Variants in SLC1A5 observed in about 807,000 individuals in gnomAD.
The protein encoded by SLC1A5 is neutral amino acid transporter B(0).
Under a neutral mutation model 34.9 loss-of-function variants are expected in SLC1A5, and 25 were observed. The ratio of observed to expected loss-of-function variants is 0.72; its 90% CI spans 0.52 to 1.00. SLC1A5 has a LOEUF of 1.00. SLC1A5 is among the 50% of genes least tolerant of loss of function. SLC1A5 has a pLI of 0.00. For missense variants in SLC1A5, 637 were observed against 740.0 expected, an observed-to-expected ratio of 0.86 and a Z score of 1.61; for synonymous variants, 351 against 341.2, an observed-to-expected ratio of 1.03 and a Z score of -0.32.
At position 46,777,105 on chromosome 19, in the gene SLC1A5, T is replaced by C. The variant is rs756437457; in HGVS notation, c.1258A>G (p.Thr420Ala). 8.7e-6 allele frequency: 14 copies of C among 1,613,534 alleles called. No individual in the cohort carries two copies. In the African/African-American group the frequency reaches 1.5e-4, roughly 17 times the overall value. ...DFVKIITILV[T>A]ATASSVGAAG... Reference sequence around the variant, plus strand: ...GCCCCCACGCTGGACGCTGTGGCCGTGACCCTGAGGGAGAAGGTGGGAGGT... The same window carrying C: ...GCCCCCACGCTGGACGCTGTGGCCGCGACCCTGAGGGAGAAGGTGGGAGGT... The change falls in exon 7 of 8, where the codon ACG (threonine) becomes GCG (alanine). Residue 420 changes from threonine (T) to alanine (A), a missense_variant. By Grantham distance (58) the Thr-to-Ala change is moderately conservative. Coordinates refer to ENST00000542575, the MANE Select transcript of SLC1A5 (RefSeq NM_005628.3).
Position 46,787,593 on chromosome 19 carries a change from C to A in SLC1A5, c.373G>T (p.Gly125Cys). ...AGCAGCGCCCAGGCGCCCAGACGGC[C>A]GAGCGCGCCGGGGTCCAGGCTGGCG... ...GAASLDPGALGRLGAWALLFF... is the reference protein window; with the variant it reads ...GAASLDPGALCRLGAWALLFF... Residue 125 changes from glycine (G) to cysteine (C), a missense_variant, in exon 1 of 8, where the codon GGC becomes TGC. Physicochemically the swap from Gly to Cys is radical, Grantham distance 159. Transcript: ENST00000542575. The surrounding 1 kb of genome is among the most constrained non-coding windows in gnomAD (Gnocchi z 5.2). 1 of 1,561,644 alleles carries A rather than the reference C, an allele frequency of 6.4e-7. No individual in the cohort carries two copies. The highest frequency in any genetic ancestry group is 1.4e-5 in the African/African-American group (1 of 73,820).
rs1171802536 is a variant in SLC1A5 at position 46,776,994 on chromosome 19, G to A, written c.1369C>T (p.Leu457=). The A allele has an allele frequency of 5.0e-6, 8 of 1,613,894 alleles. No individual in the cohort carries two copies. The East Asian group carries it at 1.1e-4, about 22-fold the overall frequency. The change falls in exon 7 of 8, where the codon CTG becomes TTG. Residue 457 remains leucine (L), a synonymous_variant. Coordinates refer to ENST00000542575, the MANE Select transcript of SLC1A5 (RefSeq NM_005628.3). ...ACTCACACTAGCCAGTCCACAGCCAGGATCAAGGAGATATGGTCGACCGGG... is the reference window on the plus strand; with the variant it reads ...ACTCACACTAGCCAGTCCACAGCCAAGATCAAGGAGATATGGTCGACCGGG... ...NLPVDHISLI[L]AVDWLVDRSC... is the part of the protein sequence containing the mutation.
intron 4 of SLC1A5, 38 bp downstream of exon 4, chr19:46,782,345 A>ACCCCCCCCCCCCCCCCCCCCCCCCCC: frequency 2.7e-5 from 8 of 292,426 alleles, no homozygotes; most frequent in East Asian, 7.3e-5. Context: ...CCGACCCTCC[A>ACCCCCCCCCCCCCCCCCCCCCCCCCC]ACCCCACCCA....
In SLC1A5 at chr19:46,775,324, C is replaced by G. The variant is rs1041437498; in HGVS notation, c.*186G>C. On this transcript the variant is annotated 3_prime_UTR_variant, in exon 8 of 8. Coordinates refer to ENST00000542575, the MANE Select transcript of SLC1A5 (RefSeq NM_005628.3). ...GAACTGGGGGTTTTGAGGAGTAACC[C>G]TTGTGAACACATGTACTCCAGCAGC... 3.5e-6 allele frequency: 5 copies of G among 1,421,942 alleles called. No individual in the cohort carries two copies. The African/African-American group carries it at 5.7e-5, about 16-fold the overall frequency. 88.1% of individuals were successfully genotyped at this position (1,421,942 alleles called of 1,614,324 possible).
rs761230179 is a variant in SLC1A5 at position 46,775,530 on chromosome 19, C to G, written c.1606G>C (p.Glu536Gln). The change falls in exon 8 of 8, where the codon GAG becomes CAG. Residue 536 changes from glutamate (E) to glutamine (Q), a missense_variant. Glu to Gln is a conservative substitution (Grantham distance 29). Transcript: ENST00000542575. ...GPAGDATVAS[E>Q]KESVM ...GGGGTTTACATGACTGATTCCTTCTCAGAGGCGACCGTGGCATCCCCTGCG... is the reference window on the plus strand; with the variant it reads ...GGGGTTTACATGACTGATTCCTTCTGAGAGGCGACCGTGGCATCCCCTGCG... 3 of 1,611,818 alleles carry G rather than the reference C, an allele frequency of 1.9e-6. No homozygotes were observed. Among genetic ancestry groups the G allele is most frequent in the Non-Finnish European group, 2.5e-6 (3 of 1,178,748 alleles).
At chr19:46,777,449 G>C in intron 5 of SLC1A5, 44 bp from the exon 6 acceptor site, 1 of 1,538,856 alleles carries the variant, frequency 6.5e-7, no homozygotes, top group Non-Finnish European at 8.8e-7. Context: ...CTGCTGACCG[G>C]GGCTCCGCCC....
At chr19:46,780,074 G>C (rs527548326) in intron 4 of SLC1A5, among the ~76,000 whole-genome samples, 1 of 152,032 alleles carries the variant, frequency 6.6e-6, no homozygotes, top group African/African-American at 2.4e-5. Flanking sequence ...GGATGGTCTC[G>C]ATCTCCTGAC....
Position 46,787,770 on chromosome 19 carries a change from C to T in SLC1A5, c.196G>A (p.Val66Met), listed in dbSNP as rs770649048. The T allele has an allele frequency of 1.1e-5, 17 of 1,550,064 alleles. No individual in the cohort carries two copies. The African/African-American group carries it at 2.2e-4, about 20-fold the overall frequency. Reference sequence around the variant, plus strand: ...CCCGACACCCCCAGTCCCAGCGCCACGCCGGCCACCACGGCCACCACTGTC... The same window carrying T: ...CCCGACACCCCCAGTCCCAGCGCCATGCCGGCCACCACGGCCACCACTGTC... ...LLTVVAVVAG[V>M]ALGLGVSGAG... Residue 66 changes from valine to methionine, a missense_variant, in exon 1 of 8, where the codon GTG becomes ATG. By Grantham distance (21) the Val-to-Met change is conservative. Transcript: ENST00000542575. This position sits in a 1 kb window ranked among gnomAD's most constrained non-coding sequence, Gnocchi z 5.2.
In SLC1A5 at chr19:46,783,410, G is replaced by A. The variant is rs188897675; in HGVS notation, c.657+687C>T. 1.1e-3 allele frequency among the ~76,000 whole-genome samples: 164 copies of A among 143,310 alleles called. 2 individuals carry two copies. Among genetic ancestry groups the A allele is most frequent in the African/African-American group, 3.9e-3 (151 of 38,720 alleles). The allele number at this position is 143,310 out of a possible 152,430, so 94.0% of individuals were successfully genotyped here. A position where few individuals can be genotyped will look rare whatever the true frequency, so the allele number is the denominator to read the frequency against. On this transcript the variant is annotated intron_variant, in intron 3 of 7. Coordinates refer to ENST00000542575, the MANE Select transcript of SLC1A5 (RefSeq NM_005628.3). ...GAACCCGGGAGGCGGAGGTTGCAGT[G>A]AACCGAGATCACGCCATTGCATTCC...
rs192719130 is a variant in SLC1A5 at position 46,787,436 on chromosome 19, C to A, written c.530G>T (p.Ser177Ile). The A allele has an allele frequency of 1.4e-5, 23 of 1,602,340 alleles. No homozygotes were observed. The Admixed American group carries it at 3.9e-4, about 27-fold the overall frequency. The stretch of plus-strand genomic sequence containing the variant: ...CAGGAACGAATCGAGCACCTCCTTG[C>A]TGGGGGCATTTTCGGCACTGCCCGC... ...GAAGSAENAP[S>I]KEVLDSFLDL... Residue 177 changes from serine (S) to isoleucine (I), a missense_variant, in exon 1 of 8, where the codon AGC (serine) becomes ATC (isoleucine). Physicochemically the swap from Ser to Ile is moderately radical, Grantham distance 142. Coordinates refer to ENST00000542575, the MANE Select transcript of SLC1A5 (RefSeq NM_005628.3). This position sits in a 1 kb window ranked among gnomAD's most constrained non-coding sequence, Gnocchi z 5.2.
intron 7 of SLC1A5, 71 bp from the exon 8 acceptor site, chr19:46,775,818 C>G (rs1219301082): frequency 6.8e-7 from 1 of 1,472,172 alleles, no homozygotes; most frequent in East Asian, 2.4e-5. Flanking sequence ...GGGCCAAGGC[C>G]TAAGCCTCCT....
At chr19:46,784,889 A>G (rs2055176078) in intron 1 of SLC1A5, 5 of 1,342,390 alleles carry the variant, frequency 3.7e-6, no homozygotes, top group Non-Finnish European at 3.8e-6. Context: ...CAGCAAACTT[A>G]ATACCCTGGA....
intron 3 of SLC1A5, among the ~76,000 whole-genome samples, chr19:46,783,749 C>T (rs1219071540): frequency 1.3e-5 from 2 of 152,072 alleles, no homozygotes; most frequent in Non-Finnish European, 2.9e-5. Flanking sequence ...ATCGTGCCAC[C>T]GTACTCCAGC....
At chr19:46,784,838 A>T in intron 1 of SLC1A5, 3 of 1,405,760 alleles carry the variant, frequency 2.1e-6, no homozygotes, top group Non-Finnish European at 2.8e-6. Context: ...CTCCCACGGC[A>T]GGCCAGGGCA....
At position 46,778,831 on chromosome 19, in the gene SLC1A5, C is replaced by T. The variant is rs1263407097; in HGVS notation, c.902G>A (p.Arg301His). The change falls in exon 5 of 8, where the codon CGC (arginine) becomes CAC (histidine). Residue 301 changes from arginine to histidine, a missense_variant. Arg to His is a conservative substitution (Grantham distance 29). Transcript: ENST00000542575. ...GCAGCACAGAATGTACTTGCCAAGGCGGGCAAAGAGTAAACCCACATCCTC... is the reference window on the plus strand; with the variant it reads ...GCAGCACAGAATGTACTTGCCAAGGTGGGCAAAGAGTAAACCCACATCCTC... ...EMEDVGLLFA[R>H]LGKYILCCLL... 5.6e-6 allele frequency: 9 copies of T among 1,610,364 alleles called. No individual in the cohort carries two copies. The highest frequency in any genetic ancestry group is 2.7e-5 in the African/African-American group (2 of 74,866).
At chr19:46,784,358 C>G (rs925684722) in intron 2 of SLC1A5, among the ~76,000 whole-genome samples, 159 bp downstream of exon 2, 1 of 152,134 alleles carries the variant, frequency 6.6e-6, no homozygotes, top group Non-Finnish European at 1.5e-5. Flanking sequence ...TACCCAGAGT[C>G]ACACAGCTAG....
chr19:46,784,715 T>C (rs774837442), intron 1 of SLC1A5, 156 bp from the exon 2 acceptor site: 10 of 1,536,646 alleles, frequency 6.5e-6, no homozygotes, highest in Non-Finnish European at 8.8e-6. Context: ...CCCGGCAGGG[T>C]TGGAACTAGG....
chr19:46,781,199 G>C (rs2055143319), intron 4 of SLC1A5, among the ~76,000 whole-genome samples: 1 of 152,196 alleles, frequency 6.6e-6, no homozygotes, highest in African/African-American at 2.4e-5. Flanking sequence ...GATGCCAGTT[G>C]AAAGGAGCTA....
At chr19:46,781,585 C>T (rs543724339) in intron 4 of SLC1A5, among the ~76,000 whole-genome samples, 4 of 152,188 alleles carry the variant, frequency 2.6e-5, no homozygotes, top group South Asian at 2.1e-4. Context: ...GCAACAAGAA[C>T]GAAACTCCAT....
Sources: gnomAD v4.1 joint callset for allele counts (sites outside exome capture counted in the v4.1 genomes callset) on GRCh38, gnomAD v4.1.1 for gene constraint, Gnocchi (gnomAD v3.1) non-coding constraint, MANE v1.5 for transcripts, NCBI Gene and HGNC (gene_info 2026-07-23, HGNC 2026-07-21) for gene names.